The following CHST11 variants were observed in gnomAD, a reference collection of about 807,000 sequenced individuals.
The protein encoded by CHST11 is C4S-1.
Under a neutral mutation model 30.4 loss-of-function variants are expected in CHST11, and 9 were observed. The ratio of observed to expected loss-of-function variants is 0.30; its 90% CI spans 0.18 to 0.52. CHST11 has a LOEUF of 0.52. Ranked by LOEUF, CHST11 falls within the 20% of genes least tolerant of loss-of-function variation. The pLI is 0.97. For synonymous variants in CHST11, 152 were observed against 187.8 expected (o/e 0.81, Z 1.56); for missense variants, 348 against 460.6 (o/e 0.76, Z 2.24).
rs181093451 is a variant in CHST11 at position 104,668,648 on chromosome 12, G to A, written c.204+66657G>A. ...TGAACATTTATCGTCCCCTAGTTCC[G>A]ACGTTTATTATCCCCCCGGGTGGAT... On this transcript the variant is annotated intron_variant, in intron 2 of 2. Coordinates refer to ENST00000303694, the MANE Select transcript of CHST11 (RefSeq NM_018413.6). 1.3e-3 allele frequency among the ~76,000 whole-genome samples: 202 copies of A among 152,256 alleles called. 1 individual carries two copies. The highest frequency in any genetic ancestry group is 4.7e-3 in the African/African-American group (195 of 41,546).
intron 2 of CHST11, among the ~76,000 whole-genome samples, chr12:104,732,402 G>C (rs12320801): frequency 0.11 from 17,037 of 152,216 alleles, 1,014 homozygotes; most frequent in East Asian, 0.13. Context: ...GCTGGTTTTC[G>C]TAAGTTTTGA....
chr12:104,524,377 G>T (rs1295522539), intron 1 of CHST11, among the ~76,000 whole-genome samples: 1 of 152,136 alleles, frequency 6.6e-6, no homozygotes, highest in Non-Finnish European at 1.5e-5. Flanking sequence ...GAGCTAGTGG[G>T]CTTTGCAGCT....
chr12:104,579,330 C>T (rs1468417679), intron 1 of CHST11, among the ~76,000 whole-genome samples: 1 of 152,206 alleles, frequency 6.6e-6, no homozygotes, highest in Non-Finnish European at 1.5e-5. Context: ...CTTTGCCCCA[C>T]CACTTTGCTC....
At chr12:104,719,892 A>G (rs1010248282) in intron 2 of CHST11, among the ~76,000 whole-genome samples, 6 of 152,152 alleles carry the variant, frequency 3.9e-5, no homozygotes, top group African/African-American at 1.4e-4. Flanking sequence ...GTAACAATCC[A>G]GGCCATGGCT....
intron 2 of CHST11, among the ~76,000 whole-genome samples, chr12:104,670,381 G>T (rs566519246): frequency 1.3e-4 from 20 of 152,144 alleles, no homozygotes; most frequent in African/African-American, 4.8e-4. Context: ...ATTCCAGACC[G>T]TCCATGAACT....
At chr12:104,734,817 A>G (rs2040286355) in intron 2 of CHST11, among the ~76,000 whole-genome samples, 4 of 152,200 alleles carry the variant, frequency 2.6e-5, no homozygotes, top group African/African-American at 9.7e-5. Context: ...CAGACAAAAG[A>G]CAGATAATAT....
At chr12:104,756,610 C>T (rs1011533884) in intron 2 of CHST11, among the ~76,000 whole-genome samples, 2 of 151,510 alleles carry the variant, frequency 1.3e-5, no homozygotes, top group African/African-American at 4.9e-5. Context: ...CACAGTGGCA[C>T]AGTCATACCT....
At chr12:104,498,913 A>C (rs1381033462) in intron 1 of CHST11, among the ~76,000 whole-genome samples, 1 of 152,202 alleles carries the variant, frequency 6.6e-6, no homozygotes, top group African/African-American at 2.4e-5. Context: ...AAGAAGAAGA[A>C]AGGTGATTCA....
At chr12:104,554,973 C>T (rs141734074) in intron 1 of CHST11, among the ~76,000 whole-genome samples, 1 of 152,332 alleles carries the variant, frequency 6.6e-6, no homozygotes, top group African/African-American at 2.4e-5. Flanking sequence ...CTGGAAAATC[C>T]AGTTTCCGAG....
At chr12:104,607,383 T>A (rs1199274548) in intron 2 of CHST11, among the ~76,000 whole-genome samples, 1 of 152,178 alleles carries the variant, frequency 6.6e-6, no homozygotes, top group Non-Finnish European at 1.5e-5. Context: ...CAAAATGTGT[T>A]CCTTCTATGG....
intron 1 of CHST11, among the ~76,000 whole-genome samples, chr12:104,519,704 G>A (rs1299215865): frequency 6.6e-6 from 1 of 152,156 alleles, no homozygotes; most frequent in Non-Finnish European, 1.5e-5. Context: ...GGCTTGATTT[G>A]ACACCAGCAT....
At chr12:104,581,746 G>A (rs977958973) in intron 1 of CHST11, among the ~76,000 whole-genome samples, 1 of 152,158 alleles carries the variant, frequency 6.6e-6, no homozygotes, top group Non-Finnish European at 1.5e-5. Flanking sequence ...CTCGGGCACA[G>A]GTGGTCTCAA....
intron 1 of CHST11, among the ~76,000 whole-genome samples, chr12:104,512,481 T>C (rs1427014710): frequency 1.3e-5 from 2 of 152,210 alleles, no homozygotes; most frequent in East Asian, 1.9e-4. Flanking sequence ...CTCCCAGGCC[T>C]TAGAGTTGGG....
chr12:104,458,588 C>T lies in CHST11; in HGVS notation c.118+1059C>T, dbSNP rs533128857. ...CAGGTAGAACGTTCCGAGAAGCCTTCCGGGTAACGCGGGTCTCCCCGCCAA... is the reference window on the plus strand; with the variant it reads ...CAGGTAGAACGTTCCGAGAAGCCTTTCGGGTAACGCGGGTCTCCCCGCCAA... On this transcript the variant is annotated intron_variant, in intron 1 of 2. Coordinates refer to ENST00000303694, the MANE Select transcript of CHST11 (RefSeq NM_018413.6). This position sits in a 1 kb window ranked among gnomAD's most constrained non-coding sequence, Gnocchi z 5.7. Among the ~76,000 whole-genome samples, 587 of 152,376 alleles carry T rather than the reference C, an allele frequency of 3.9e-3. No individual in the cohort carries two copies. Among genetic ancestry groups the T allele is most frequent in the Middle Eastern group, 0.017 (5 of 294 alleles).
intron 1 of CHST11, among the ~76,000 whole-genome samples, chr12:104,554,598 C>A (rs1429285671): frequency 6.6e-6 from 1 of 152,154 alleles, no homozygotes; most frequent in Non-Finnish European, 1.5e-5. Flanking sequence ...GAAGCTGGGG[C>A]CCCACAGAGA....
intron 2 of CHST11, among the ~76,000 whole-genome samples, chr12:104,634,746 C>T (rs2039306973): frequency 6.6e-6 from 1 of 152,188 alleles, no homozygotes; most frequent in African/African-American, 2.4e-5. Flanking sequence ...TTCTGTTTCA[C>T]CATTGCTTTT....
chr12:104,743,572 T>C (rs1184864458), intron 2 of CHST11, among the ~76,000 whole-genome samples: 1 of 152,232 alleles, frequency 6.6e-6, no homozygotes, highest in African/African-American at 2.4e-5. Flanking sequence ...TACAGAGATA[T>C]CACATGAAAC....
In CHST11 at chr12:104,758,988, G is replaced by A. The variant is rs1383083490; in HGVS notation, c.*1185G>A. 6.6e-6 allele frequency: 1 copy of A among 152,176 alleles called. No individual in the cohort carries two copies. Among genetic ancestry groups the A allele is most frequent in the East Asian group, 1.9e-4 (1 of 5,192 alleles). The allele number at this position is 152,176 out of a possible 1,614,324, so 9.4% of individuals were successfully genotyped here. A position where few individuals can be genotyped will look rare whatever the true frequency, so the allele number is the denominator to read the frequency against. ...CAATGTCTGCCTTGGGTGAGGAAAG[G>A]GGAACACTCCTCAAGTGCCTCCTAC... On this transcript the variant is annotated 3_prime_UTR_variant, in exon 3 of 3. Coordinates refer to ENST00000303694, the MANE Select transcript of CHST11 (RefSeq NM_018413.6).
intron 2 of CHST11, among the ~76,000 whole-genome samples, chr12:104,700,934 C>T (rs146907033): frequency 0.013 from 2,001 of 152,186 alleles, 51 homozygotes; most frequent in African/African-American, 0.046. Context: ...CATAGTGAAA[C>T]CCTGTCTCTA....
Sources: gnomAD v4.1 joint callset for allele counts (sites outside exome capture counted in the v4.1 genomes callset) on GRCh38, gnomAD v4.1.1 for gene constraint, Gnocchi (gnomAD v3.1) non-coding constraint, MANE v1.5 for transcripts, NCBI Gene and HGNC (gene_info 2026-07-23, HGNC 2026-07-21) for gene names.